Variants in PDCD1LG2 observed in about 807,000 individuals in gnomAD.
PDCD1LG2 encodes programmed cell death 1 ligand 2, also known as B7 dendritic cell molecule.
In PDCD1LG2, 32 loss-of-function variants were observed where a neutral mutation model predicts 28.2. The observed-to-expected ratio is 1.13, with a 90% CI of 0.86 to 1.52. The LOEUF (loss-of-function observed/expected upper bound fraction) is 1.52. PDCD1LG2 is among the 40% of genes most tolerant of loss of function. The pLI is 0.00. For synonymous variants in PDCD1LG2, 116 were observed against 120.2 expected, an observed-to-expected ratio of 0.97 and a Z score of 0.23; for missense variants, 385 against 323.8, an observed-to-expected ratio of 1.19 and a Z score of -1.45.
At chr9:5,559,431 G>A (rs994562281) in intron 5 of PDCD1LG2, among the ~76,000 whole-genome samples, 4 of 152,182 alleles carry the variant, frequency 2.6e-5, no homozygotes, top group African/African-American at 9.7e-5. Context: ...ATGGAAAAGG[G>A]TTGAGAACTG....
At chr9:5,547,936 C>CAAA (rs1165268333) in intron 3 of PDCD1LG2, among the ~76,000 whole-genome samples, 7 of 60,858 alleles carry the variant, frequency 1.2e-4, no homozygotes, top group Non-Finnish European at 1.5e-4. Context: ...AACTCTGTCT[C>CAAA]AAAAAAAAAA....
At chr9:5,561,635 C>A (rs1816564585) in intron 5 of PDCD1LG2, among the ~76,000 whole-genome samples, 1 of 152,152 alleles carries the variant, frequency 6.6e-6, no homozygotes, top group African/African-American at 2.4e-5. Flanking sequence ...AAGTTAGAAT[C>A]CAGCAGAAGT....
intron 6 of PDCD1LG2, among the ~76,000 whole-genome samples, chr9:5,567,943 T>A (rs990228416): frequency 1.3e-5 from 2 of 152,262 alleles, no homozygotes; most frequent in Non-Finnish European, 2.9e-5. Flanking sequence ...TGTTTTGTTT[T>A]GTTTGTTTTC....
intron 4 of PDCD1LG2, among the ~76,000 whole-genome samples, chr9:5,555,412 C>T (rs1395549946): frequency 1.3e-5 from 2 of 152,012 alleles, no homozygotes; most frequent in Non-Finnish European, 2.9e-5. Flanking sequence ...AGGGAAACTC[C>T]TTCTCAAATA....
intron 2 of PDCD1LG2, among the ~76,000 whole-genome samples, chr9:5,525,410 C>A (rs896459034): frequency 1.4e-5 from 2 of 144,366 alleles, no homozygotes; most frequent in African/African-American, 5.1e-5. Context: ...TAAATAAAAA[C>A]AATCCATATG....
Position 5,570,444 on chromosome 9 carries a change from G to A in PDCD1LG2, c.*485G>A, listed in dbSNP as rs949128653. 10 of 234,554 alleles carry A rather than the reference G, an allele frequency of 4.3e-5. No homozygotes were observed. The highest frequency in any genetic ancestry group is 1.7e-4 in the Admixed American group (3 of 17,982). 14.5% of individuals were successfully genotyped at this position (234,554 alleles called of 1,614,324 possible). A position where few individuals can be genotyped will look rare whatever the true frequency, so the allele number is the denominator to read the frequency against. On this transcript the variant is annotated 3_prime_UTR_variant, in exon 7 of 7. Transcript: ENST00000397747. ...ACTATGAGCTCACAGACAGGGCTTC[G>A]CACAAACTCAAATCATAATTGACAT...
intron 2 of PDCD1LG2, 141 bp downstream of exon 2, chr9:5,522,742 A>AG (rs1491354746): frequency 3.8e-6 from 1 of 260,008 alleles, no homozygotes; most frequent in Non-Finnish European, 6.7e-6. Context: ...CAAGCACCAC[A>AG]AAAAAAAAAA....
chr9:5,514,903 G>T (rs1820127746), intron 1 of PDCD1LG2, among the ~76,000 whole-genome samples: 1 of 152,084 alleles, frequency 6.6e-6, no homozygotes, highest in South Asian at 2.1e-4. Flanking sequence ...GCTCAGGGGA[G>T]GATTTATGAA....
intron 1 of PDCD1LG2, among the ~76,000 whole-genome samples, chr9:5,511,605 A>G (rs539411919): frequency 6.6e-6 from 1 of 152,328 alleles, no homozygotes; most frequent in South Asian, 2.1e-4. Context: ...AAAAATATTC[A>G]GTGTGAGCAG....
In PDCD1LG2 at chr9:5,571,092, TA is replaced by T. The variant is rs1816759728; in HGVS notation, c.*1134del. 1 of 232,408 alleles carries T rather than the reference TA, an allele frequency of 4.3e-6. No individual in the cohort carries two copies. 14.4% of individuals were successfully genotyped at this position (232,408 alleles called of 1,614,324 possible). A position where few individuals can be genotyped will look rare whatever the true frequency, so the allele number is the denominator to read the frequency against. Reference sequence around the variant, plus strand: ...CATTAGCTAGTATAACAGACTTACATAGGTGGGCCTAAAGCAAGCTCCTTAA... The same window carrying T: ...CATTAGCTAGTATAACAGACTTACATGGTGGGCCTAAAGCAAGCTCCTTAA... On this transcript the variant is annotated 3_prime_UTR_variant, in exon 7 of 7. Transcript: ENST00000397747.
chr9:5,540,338 G>T (rs1008757269), intron 3 of PDCD1LG2, among the ~76,000 whole-genome samples: 4 of 151,810 alleles, frequency 2.6e-5, no homozygotes, highest in African/African-American at 9.7e-5. Flanking sequence ...GGAGAAACAA[G>T]AACAATCCAA....
rs1586825711 is a variant in PDCD1LG2 at position 5,570,356 on chromosome 9, G to C, written c.*397G>C. On this transcript the variant is annotated 3_prime_UTR_variant, in exon 7 of 7. Coordinates refer to ENST00000397747, the MANE Select transcript of PDCD1LG2 (RefSeq NM_025239.4). ...GAAATTTCCAGTAACAGAAACAGAT[G>C]GGTTGCCAATAGAGTTATTTTTTAT... is the stretch of plus-strand genomic sequence containing the variant. 1 of 252,476 alleles carries C rather than the reference G, an allele frequency of 4.0e-6. No homozygotes were observed. Among genetic ancestry groups the C allele is most frequent in the Non-Finnish European group, 7.7e-6 (1 of 129,900 alleles). 15.6% of individuals were successfully genotyped at this position (252,476 alleles called of 1,614,324 possible).
At chr9:5,526,046 CAAA>C (rs375299943) in intron 2 of PDCD1LG2, among the ~76,000 whole-genome samples, 1 of 118,048 alleles carries the variant, frequency 8.5e-6, no homozygotes. Flanking sequence ...GACTCCGTCT[CAAA>C]AAAAAAAAAA....
chr9:5,563,306 C>T, intron 6 of PDCD1LG2, 95 bp downstream of exon 6: 1 of 1,056,186 alleles, frequency 9.5e-7, no homozygotes, highest in South Asian at 1.4e-5. Flanking sequence ...TCATGGAAGG[C>T]AACTGAATAG....
intron 3 of PDCD1LG2, among the ~76,000 whole-genome samples, chr9:5,535,255 G>T (rs904393425): frequency 6.6e-6 from 1 of 152,196 alleles, no homozygotes; most frequent in African/African-American, 2.4e-5. Context: ...GTGAAAGGGG[G>T]TAGGACCTAT....
intron 5 of PDCD1LG2, among the ~76,000 whole-genome samples, chr9:5,560,609 CT>C (rs1816539479): frequency 6.6e-6 from 1 of 152,208 alleles, no homozygotes; most frequent in South Asian, 2.1e-4. Context: ...CAGCCAGCCT[CT>C]TCCCTTCTAG....
At chr9:5,550,060 G>A (rs1434539859) in intron 4 of PDCD1LG2, among the ~76,000 whole-genome samples, 2 of 152,226 alleles carry the variant, frequency 1.3e-5, no homozygotes, top group African/African-American at 4.8e-5. Context: ...ATATTGACAT[G>A]TACAGAATAG....
rs2129920998 is a variant in PDCD1LG2 at position 5,557,634 on chromosome 9, G to T, written c.648G>T (p.Arg216Ser). Residue 216 changes from arginine to serine, a missense_variant, in exon 5 of 7, where the codon AGG (arginine) becomes AGT (serine). Transcript: ENST00000397747. ...TTTGCCCAGGTCAGATGGAACCCAG[G>T]ACCCATCCAACTTGGCTGCTTCACA... Reference protein sequence around the residue: ...SIDLQSQMEPRTHPTWLLHIF... With the variant: ...SIDLQSQMEPSTHPTWLLHIF... The T allele has an allele frequency of 6.2e-7, 1 of 1,613,990 alleles. No individual in the cohort carries two copies. The highest frequency in any genetic ancestry group is 8.5e-7 in the Non-Finnish European group (1 of 1,179,922).
chr9:5,568,606 T>C (rs1586824710), intron 6 of PDCD1LG2, among the ~76,000 whole-genome samples: 1 of 152,212 alleles, frequency 6.6e-6, no homozygotes, highest in Non-Finnish European at 1.5e-5. Context: ...TTGGAACATA[T>C]TTGGAAAATC....
Sources: allele counts gnomAD v4.1 joint callset (sites outside exome capture counted in the v4.1 genomes callset), GRCh38; gene constraint gnomAD v4.1.1; transcripts MANE v1.5; gene names NCBI Gene and HGNC (gene_info 2026-07-23, HGNC 2026-07-21).